The following NFIB variants were observed in gnomAD, a reference collection of about 807,000 sequenced individuals.
The protein encoded by NFIB is nuclear factor I B.
A neutral mutation model predicts 61.5 loss-of-function variants in NFIB; 11 were observed. That is an observed-to-expected ratio of 0.18 (90% confidence interval 0.11 to 0.30). The LOEUF is 0.30. Ranked by LOEUF, NFIB falls within the 10% of genes least tolerant of loss-of-function variation. NFIB has a pLI of 1.00. For synonymous variants in NFIB, 260 were observed against 216.5 expected (o/e 1.20, Z -1.76); for missense variants, 471 against 608.9 (o/e 0.77, Z 2.38).
At chr9:14,353,736 C>A (rs1051715816) in intron 1 of NFIB, among the ~76,000 whole-genome samples, 1 of 152,090 alleles carries the variant, frequency 6.6e-6, no homozygotes, top group African/African-American at 2.4e-5. Context: ...CTGGAGGAGT[C>A]CACGGGTCAG....
chr9:14,437,698 C>T, the NFIB span, among the ~76,000 whole-genome samples: 27 of 152,158 alleles, frequency 1.8e-4, no homozygotes, highest in African/African-American at 6.3e-4. Flanking sequence ...AGGGGGTCCC[C>T]CACCTCCCCA....
the NFIB span, among the ~76,000 whole-genome samples, chr9:14,422,855 G>A: frequency 6.6e-6 from 1 of 152,150 alleles, no homozygotes; most frequent in African/African-American, 2.4e-5. Flanking sequence ...AGAAGGGAAG[G>A]GTCAGGAGGA....
intron 6 of NFIB, among the ~76,000 whole-genome samples, chr9:14,142,815 G>A (rs2041896304): frequency 6.6e-6 from 1 of 152,124 alleles, no homozygotes; most frequent in Admixed American, 6.6e-5. Flanking sequence ...TTTTAATAGA[G>A]AGAGAAGCAG....
At position 14,237,597 on chromosome 9, in the gene NFIB, C is replaced by A. The variant is rs2053871765; in HGVS notation, c.563-57817G>T. On this transcript the variant is annotated intron_variant, in intron 2 of 10. Transcript: ENST00000380953. ...AACATGCTTCCAAGGTATGCAAAATCTCGTCCCCACATACCAGATGGGAAA... is the reference window on the plus strand; with the variant it reads ...AACATGCTTCCAAGGTATGCAAAATATCGTCCCCACATACCAGATGGGAAA... 2.0e-5 allele frequency among the ~76,000 whole-genome samples: 3 copies of A among 152,264 alleles called. No individual in the cohort carries two copies. The South Asian group carries it at 6.2e-4, about 32-fold the overall frequency.
At position 14,086,492 on chromosome 9, in the gene NFIB, C is replaced by T; in HGVS notation, c.*1817G>A. ...AATTCGTATAAATTTGAAACCCCTC[C>T]CCCCCAAATATTAATTGGAAGATGA... On this transcript the variant is annotated 3_prime_UTR_variant, in exon 11 of 11. Transcript: ENST00000380953. 2 of 216,660 alleles carry T rather than the reference C, an allele frequency of 9.2e-6. No individual in the cohort carries two copies. The highest frequency in any genetic ancestry group is 9.3e-6 in the Non-Finnish European group (1 of 107,676). 13.4% of individuals were successfully genotyped at this position (216,660 alleles called of 1,614,324 possible). A position where few individuals can be genotyped will look rare whatever the true frequency, so the allele number is the denominator to read the frequency against.
chr9:14,145,610 C>T (rs531305215), intron 6 of NFIB, among the ~76,000 whole-genome samples: 13 of 151,894 alleles, frequency 8.6e-5, no homozygotes, highest in African/African-American at 3.1e-4. Context: ...CAATACACAC[C>T]CAAGTCCTGG....
Position 14,284,379 on chromosome 9 carries a change from A to G in NFIB, c.562+22610T>C, listed in dbSNP as rs114211112. ...TACATCTTCTTTCTCACTAAGATTC[A>G]TAGCCTTATCTAAGAAGAAAATCAA... On this transcript the variant is annotated intron_variant, in intron 2 of 10. Coordinates refer to ENST00000380953, the MANE Select transcript of NFIB (RefSeq NM_001190737.2). 7.5e-3 allele frequency among the ~76,000 whole-genome samples: 1,138 copies of G among 152,312 alleles called. 18 individuals carry two copies. The highest frequency in any genetic ancestry group is 0.025 in the African/African-American group (1,051 of 41,564).
At chr9:14,421,167 C>T in the NFIB span, among the ~76,000 whole-genome samples, 1 of 151,240 alleles carries the variant, frequency 6.6e-6, no homozygotes, top group Non-Finnish European at 1.5e-5. Context: ...TTCTTTCTTC[C>T]TTCCTGTTTT....
the NFIB span, among the ~76,000 whole-genome samples, chr9:14,451,727 T>G: frequency 2.7e-4 from 41 of 152,308 alleles, no homozygotes; most frequent in African/African-American, 9.9e-4. Flanking sequence ...CCATTTAACA[T>G]AGAATATGAA....
chr9:14,253,937 T>G (rs943842198), intron 2 of NFIB, among the ~76,000 whole-genome samples: 1 of 152,168 alleles, frequency 6.6e-6, no homozygotes. Flanking sequence ...TGACTTTTGC[T>G]CATGCTGTTC....
At chr9:14,171,498 T>C (rs1045017013) in intron 3 of NFIB, among the ~76,000 whole-genome samples, 1 of 152,098 alleles carries the variant, frequency 6.6e-6, no homozygotes, top group Non-Finnish European at 1.5e-5. Flanking sequence ...CAAGAAACAG[T>C]GTTCAGAGGT....
chr9:14,373,887 A>G (rs75363140), intron 1 of NFIB, among the ~76,000 whole-genome samples: 9,057 of 152,256 alleles, frequency 0.059, 329 homozygotes, highest in Non-Finnish European at 0.084. Flanking sequence ...AAAGCAAGGA[A>G]ATATCTCTAA....
the NFIB span, among the ~76,000 whole-genome samples, chr9:14,459,714 A>G: frequency 2.6e-5 from 4 of 152,244 alleles, no homozygotes; most frequent in East Asian, 7.7e-4. Flanking sequence ...GAAGGATATG[A>G]ATGGACACTT....
chr9:14,332,901 G>C (rs1396019509), intron 1 of NFIB, among the ~76,000 whole-genome samples: 1 of 152,174 alleles, frequency 6.6e-6, no homozygotes, highest in Non-Finnish European at 1.5e-5. Context: ...TGTTCAATGA[G>C]GTCGGAAGGG....
intron 2 of NFIB, among the ~76,000 whole-genome samples, chr9:14,276,595 T>C (rs547188222): frequency 1.3e-5 from 2 of 152,158 alleles, no homozygotes; most frequent in Non-Finnish European, 2.9e-5. Flanking sequence ...TGTGAAATAC[T>C]GGGTAACTTA....
intron 9 of NFIB, among the ~76,000 whole-genome samples, chr9:14,114,921 T>C (rs2037898921): frequency 6.6e-6 from 1 of 152,216 alleles, no homozygotes; most frequent in Non-Finnish European, 1.5e-5. Flanking sequence ...AATGAGTACT[T>C]AGTGTTTTGG....
chr9:14,121,232 C>T (rs1294579587), intron 7 of NFIB, among the ~76,000 whole-genome samples: 2 of 152,174 alleles, frequency 1.3e-5, no homozygotes, highest in Non-Finnish European at 2.9e-5. Flanking sequence ...CCATTGCGCT[C>T]CAACCTGGTG....
intron 2 of NFIB, among the ~76,000 whole-genome samples, chr9:14,212,744 T>C (rs1329223675): frequency 6.6e-6 from 1 of 152,210 alleles, no homozygotes; most frequent in Non-Finnish European, 1.5e-5. Flanking sequence ...AAAAAAATAC[T>C]GCTCACACTT....
At chr9:14,128,165 GATT>G (rs976631794) in intron 6 of NFIB, among the ~76,000 whole-genome samples, 1 of 152,084 alleles carries the variant, frequency 6.6e-6, no homozygotes, top group Admixed American at 6.6e-5. Context: ...TAGACATACA[GATT>G]ATTAAGAGGT....
Sources: allele counts gnomAD v4.1 joint callset (sites outside exome capture counted in the v4.1 genomes callset), GRCh38; gene constraint gnomAD v4.1.1; transcripts MANE v1.5; gene names NCBI Gene and HGNC (gene_info 2026-07-23, HGNC 2026-07-21).